PARN: variants seen among roughly 807,000 people sequenced by gnomAD.
PARN encodes the protein poly(A)-specific ribonuclease PARN.
PARN carries 71 observed loss-of-function variants against 102.8 expected under a neutral mutation model. The observed-to-expected ratio is 0.69, with a 90% CI of 0.57 to 0.84. The LOEUF (loss-of-function observed/expected upper bound fraction) is 0.84. PARN is among the 40% of genes least tolerant of loss of function. The probability of loss-of-function intolerance (pLI) is 0.00; values close to 1 mark genes in which losing one functional copy is unlikely to be tolerated. For synonymous variants in PARN, 261 were observed against 252.9 expected (o/e 1.03, Z -0.30); for missense variants, 782 against 760.9 (o/e 1.03, Z -0.33).
At chr16:14,586,420 A>G (rs1297954579) in intron 13 of PARN, 59 bp from the exon 14 acceptor site, 2 of 987,596 alleles carry the variant, frequency 2.0e-6, no homozygotes, top group African/African-American at 3.2e-5. Context: ...GTATTAAAAA[A>G]CATGTAAACA....
At chr16:14,471,854 C>T (rs186138263) in intron 22 of PARN, among the ~76,000 whole-genome samples, 2 of 152,300 alleles carry the variant, frequency 1.3e-5, no homozygotes, top group East Asian at 3.9e-4. Context: ...TTTATCTTAA[C>T]CAAATTACAT....
At chr16:14,469,649 T>C (rs1962597420) in intron 22 of PARN, among the ~76,000 whole-genome samples, 1 of 151,554 alleles carries the variant, frequency 6.6e-6, no homozygotes, top group South Asian at 2.1e-4. Context: ...AACACAAACA[T>C]GCTGCAGTTT....
At chr16:14,462,296 G>T (rs540286700) in intron 22 of PARN, among the ~76,000 whole-genome samples, 2 of 152,156 alleles carry the variant, frequency 1.3e-5, no homozygotes, top group East Asian at 1.9e-4. Flanking sequence ...TATTGAAGGG[G>T]GAAAGTCAGA....
In PARN at chr16:14,523,131, CA is replaced by C. The variant is rs201925913; in HGVS notation, c.1480+28889del. Among the ~76,000 whole-genome samples the C allele has an allele frequency of 4.4e-3, 670 of 151,208 alleles. 3 individuals carry two copies. The highest frequency in any genetic ancestry group is 5.7e-3 in the Non-Finnish European group (384 of 67,804). On this transcript the variant is annotated intron_variant, in intron 21 of 23. Coordinates refer to ENST00000437198, the MANE Select transcript of PARN (RefSeq NM_002582.4). ...TTATCGGACAAAAATGAGTTCAGGA[CA>C]AAAAAACCCCAAACAACAAACCACT...
chr16:14,603,120 C>T (rs561941908), intron 11 of PARN, among the ~76,000 whole-genome samples: 6 of 151,984 alleles, frequency 3.9e-5, no homozygotes, highest in Admixed American at 1.3e-4. Flanking sequence ...GATGGGGTTT[C>T]GCTATGTTGC....
intron 22 of PARN, among the ~76,000 whole-genome samples, chr16:14,480,967 A>ATAAT (rs2151594988): frequency 6.6e-6 from 1 of 152,082 alleles, no homozygotes; most frequent in East Asian, 1.9e-4. Flanking sequence ...AAATAAATAA[A>ATAAT]TAAATAACAT....
intron 18 of PARN, chr16:14,564,878 T>C (rs1968338321): frequency 6.6e-6 from 1 of 152,092 alleles, no homozygotes; most frequent in African/African-American, 2.4e-5. Flanking sequence ...CCAAGTAAAA[T>C]TGTACCCCTC....
chr16:14,611,413 A>G (rs1194670256), intron 6 of PARN, among the ~76,000 whole-genome samples: 2 of 152,228 alleles, frequency 1.3e-5, no homozygotes, highest in Non-Finnish European at 2.9e-5. Context: ...TTTAAGCAAG[A>G]TAATTACCTT....
At chr16:14,581,704 G>A (rs567158569) in intron 17 of PARN, among the ~76,000 whole-genome samples, 91 of 152,204 alleles carry the variant, frequency 6.0e-4, no homozygotes, top group Middle Eastern at 3.4e-3. Context: ...AGGATCACTT[G>A]AGCCCAGAAA....
At chr16:14,500,258 A>G (rs1316393187) in intron 21 of PARN, among the ~76,000 whole-genome samples, 2 of 152,126 alleles carry the variant, frequency 1.3e-5, no homozygotes, top group African/African-American at 4.8e-5. Flanking sequence ...GGATCTTGCT[A>G]CATTGCCAGG....
chr16:14,562,699 A>G (rs943356645), intron 18 of PARN, among the ~76,000 whole-genome samples: 1 of 152,166 alleles, frequency 6.6e-6, no homozygotes, highest in Non-Finnish European at 1.5e-5. Flanking sequence ...ACTCATTAGC[A>G]AAAGTCTAAC....
chr16:14,543,446 T>C (rs1365554266), intron 21 of PARN, among the ~76,000 whole-genome samples: 1 of 152,044 alleles, frequency 6.6e-6, no homozygotes, highest in Non-Finnish European at 1.5e-5. Context: ...TTAAAATACA[T>C]AGAGAGTTTA....
chr16:14,536,027 A>T (rs1352174158), intron 21 of PARN, among the ~76,000 whole-genome samples: 1 of 152,180 alleles, frequency 6.6e-6, no homozygotes, highest in African/African-American at 2.4e-5. Flanking sequence ...TTTAGTCTTA[A>T]ATTTAAAAAT....
At chr16:14,469,203 A>G (rs1397476154) in intron 22 of PARN, among the ~76,000 whole-genome samples, 1 of 152,176 alleles carries the variant, frequency 6.6e-6, no homozygotes, top group Non-Finnish European at 1.5e-5. Flanking sequence ...AGGCTGAGGC[A>G]GGAGAATCGC....
At chr16:14,492,749 T>A (rs1476246199) in intron 21 of PARN, among the ~76,000 whole-genome samples, 1 of 152,236 alleles carries the variant, frequency 6.6e-6, no homozygotes, top group Non-Finnish European at 1.5e-5. Flanking sequence ...ATAATGGTGA[T>A]GTTTAATTAT....
intron 22 of PARN, among the ~76,000 whole-genome samples, chr16:14,471,201 T>G (rs1030351695): frequency 6.6e-6 from 1 of 152,154 alleles, no homozygotes; most frequent in African/African-American, 2.4e-5. Flanking sequence ...CATCTAAAAA[T>G]CAATCCATCC....
At position 14,629,455 on chromosome 16, in the gene PARN, A is replaced by AAC; in HGVS notation, c.97+140_97+141dup. 1.4e-5 allele frequency: 9 copies of AAC among 650,608 alleles called. No homozygotes were observed. The South Asian group carries it at 1.6e-4, about 12-fold the overall frequency. The allele number at this position is 650,608 out of a possible 1,614,324, so 40.3% of individuals were successfully genotyped here. A position where few individuals can be genotyped will look rare whatever the true frequency, so the allele number is the denominator to read the frequency against. ...CGTGCTTTTGAAACGTTTAAAGGGT[A>AAC]ACACTGAGACCTGTGAAACCCGCCC... On this transcript the variant is annotated intron_variant, in intron 2 of 23. Coordinates refer to ENST00000437198, the MANE Select transcript of PARN (RefSeq NM_002582.4).
intron 21 of PARN, among the ~76,000 whole-genome samples, chr16:14,509,167 T>C (rs904674357): frequency 3.9e-5 from 6 of 152,138 alleles, no homozygotes; most frequent in Non-Finnish European, 8.8e-5. Context: ...TTTTGGCTTA[T>C]GGTAAACAGC....
At chr16:14,501,071 T>A (rs772390706) in intron 21 of PARN, among the ~76,000 whole-genome samples, 3 of 151,924 alleles carry the variant, frequency 2.0e-5, no homozygotes, top group Non-Finnish European at 2.9e-5. Context: ...ATCTGTTCAG[T>A]AACTAATTCC....
Sources: gnomAD v4.1 joint callset for allele counts (sites outside exome capture counted in the v4.1 genomes callset) on GRCh38, gnomAD v4.1.1 for gene constraint, MANE v1.5 for transcripts, NCBI Gene and HGNC (gene_info 2026-07-23, HGNC 2026-07-21) for gene names.